Variants in CNGB1 observed in about 807,000 individuals in gnomAD.
CNGB1 encodes the protein cyclic nucleotide-gated channel beta-1.
CNGB1 carries 126 observed loss-of-function variants against 151.7 expected under a neutral mutation model. The ratio of observed to expected loss-of-function variants is 0.83; its 90% CI spans 0.72 to 0.96. The LOEUF (loss-of-function observed/expected upper bound fraction) is 0.96, where lower values mean the gene tolerates loss of function less well. CNGB1 is among the 40% of genes least tolerant of loss of function. The probability of loss-of-function intolerance (pLI) is 0.00; values close to 1 mark genes in which losing one functional copy is unlikely to be tolerated. For synonymous variants in CNGB1, 623 were observed against 635.1 expected, an observed-to-expected ratio of 0.98 and a Z score of 0.29; for missense variants, 1,698 against 1,627.0, an observed-to-expected ratio of 1.04 and a Z score of -0.75.
rs369639898 is a variant in CNGB1 at position 57,889,923 on chromosome 16, T to G, written c.3243-1849A>C. 8.0e-4 allele frequency among the ~76,000 whole-genome samples: 122 copies of G among 152,206 alleles called. 1 individual carries two copies. The highest frequency in any genetic ancestry group is 2.8e-3 in the African/African-American group (117 of 41,522). ...TTGTGCCTCTGACAGTTGGGGAAAT[T>G]GAGGCTCAGAGCAGGGGGAGTGACG... On this transcript the variant is annotated intron_variant, in intron 31 of 32. Coordinates refer to ENST00000251102, the MANE Select transcript of CNGB1 (RefSeq NM_001297.5).
intron 16 of CNGB1, among the ~76,000 whole-genome samples, chr16:57,933,396 G>T (rs1183927228): frequency 6.6e-6 from 1 of 152,162 alleles, no homozygotes; most frequent in Non-Finnish European, 1.5e-5. Context: ...CCTGACTCTG[G>T]ACCTCTGAGA....
intron 8 of CNGB1, 101 bp from the exon 9 acceptor site, chr16:57,960,631 G>C: frequency 6.8e-7 from 1 of 1,475,752 alleles, no homozygotes; most frequent in Non-Finnish European, 9.3e-7. Flanking sequence ...CGGGTGAGCC[G>C]GGGATGGGGG....
At position 57,964,128 on chromosome 16, in the gene CNGB1, A is replaced by G. The variant is rs1429797650; in HGVS notation, c.290+2T>C. On this transcript the variant is annotated splice_donor_variant, in intron 4 of 32. Coordinates refer to ENST00000251102, the MANE Select transcript of CNGB1 (RefSeq NM_001297.5). LOFTEE classifies it high-confidence loss of function. ...TGAAGAGAGGGGAGGGTGGTGCAGT[A>G]CCTATTCATTTCAGAAATCTCAGCG... 4 of 1,613,828 alleles carry G rather than the reference A, an allele frequency of 2.5e-6. No individual in the cohort carries two copies. In the Admixed American group the frequency reaches 6.7e-5, roughly 27 times the overall value.
chr16:57,905,648 C>T (rs995212185), intron 25 of CNGB1, among the ~76,000 whole-genome samples: 10 of 152,256 alleles, frequency 6.6e-5, no homozygotes, highest in African/African-American at 2.4e-4. Flanking sequence ...GGCCTTCGGG[C>T]GCCGTTTAGG....
chr16:57,920,617 C>T, intron 18 of CNGB1, 73 bp from the exon 19 acceptor site: 1 of 1,580,528 alleles, frequency 6.3e-7, no homozygotes, highest in Non-Finnish European at 8.6e-7. Flanking sequence ...CAGAGCTGTG[C>T]AGCGTCTGTG....
At chr16:57,893,862 T>C (rs1230883615) in intron 31 of CNGB1, among the ~76,000 whole-genome samples, 2 of 152,088 alleles carry the variant, frequency 1.3e-5, no homozygotes, top group African/African-American at 4.8e-5. Context: ...TTATTTTACA[T>C]AGGAGACAAC....
At chr16:57,906,327 C>T (rs1262561933) in intron 25 of CNGB1, among the ~76,000 whole-genome samples, 1 of 152,236 alleles carries the variant, frequency 6.6e-6, no homozygotes, top group Non-Finnish European at 1.5e-5. Context: ...GTGGTGGACT[C>T]TCAGCAAGGG....
chr16:57,890,412 C>CAGG (rs753404469), intron 31 of CNGB1, among the ~76,000 whole-genome samples: 5 of 152,220 alleles, frequency 3.3e-5, no homozygotes, highest in East Asian at 3.8e-4. Flanking sequence ...TGACAGCCCA[C>CAGG]AGGAAGGCTG....
chr16:57,911,633 A>G, intron 25 of CNGB1, 120 bp downstream of exon 25: 1 of 1,390,972 alleles, frequency 7.2e-7, no homozygotes, highest in South Asian at 1.2e-5. Context: ...ATTGCTTAGG[A>G]GCAAAGTGGC....
intron 32 of CNGB1, among the ~76,000 whole-genome samples, chr16:57,886,753 C>T (rs1053364198): frequency 1.1e-4 from 17 of 152,182 alleles, no homozygotes; most frequent in African/African-American, 4.1e-4. Flanking sequence ...AATCATTCCA[C>T]TTGGTATTCT....
At chr16:57,957,457 C>T (rs1374346647) in intron 11 of CNGB1, 80 bp from the exon 12 acceptor site, 5 of 1,300,984 alleles carry the variant, frequency 3.8e-6, no homozygotes, top group African/African-American at 2.8e-5. Context: ...CCTTCTAGCA[C>T]GTGACCTTGA....
chr16:57,932,474 T>C (rs1961381748), intron 16 of CNGB1, among the ~76,000 whole-genome samples: 1 of 149,032 alleles, frequency 6.7e-6, no homozygotes, highest in Non-Finnish European at 1.5e-5. Flanking sequence ...GCAATCTCAG[T>C]TCACCCCAAG....
Position 57,897,490 on chromosome 16 carries a change from C to T in CNGB1, c.3149G>A (p.Gly1050Glu). 1 of 1,614,030 alleles carries T rather than the reference C, an allele frequency of 6.2e-7. No homozygotes were observed. The change falls in exon 31 of 33, where the codon GGG (glycine) becomes GAG (glutamate). Residue 1050 changes from glycine to glutamate, a missense_variant. Coordinates refer to ENST00000251102, the MANE Select transcript of CNGB1 (RefSeq NM_001297.5). Reference protein sequence around the residue: ...NRRTANVVAHGFTNLFILDKK... With the variant: ...NRRTANVVAHEFTNLFILDKK... ...ATCCAGGATGAAGAGGTTGGTAAAC[C>T]CGTGCGCCACCACGTTGGCCGTGCG...
intron 20 of CNGB1, among the ~76,000 whole-genome samples, chr16:57,918,245 G>A (rs745659781): frequency 6.6e-6 from 1 of 152,050 alleles, no homozygotes; most frequent in Non-Finnish European, 1.5e-5. Flanking sequence ...ACAGTGCTGG[G>A]ATTACAGGTG....
intron 31 of CNGB1, among the ~76,000 whole-genome samples, chr16:57,889,052 G>A (rs1960015288): frequency 6.6e-6 from 1 of 152,182 alleles, no homozygotes; most frequent in South Asian, 2.1e-4. Context: ...TACGTGTCTT[G>A]CTTTTAAACA....
chr16:57,908,090 C>T (rs557505472), intron 25 of CNGB1, among the ~76,000 whole-genome samples: 2 of 152,306 alleles, frequency 1.3e-5, no homozygotes, highest in African/African-American at 4.8e-5. Context: ...GGGGTCTCCC[C>T]ATATTGCCTA....
chr16:57,923,865 C>G (rs772677665), intron 17 of CNGB1, among the ~76,000 whole-genome samples: 6 of 152,166 alleles, frequency 3.9e-5, no homozygotes, highest in Non-Finnish European at 8.8e-5. Context: ...ATCAGAGAAG[C>G]CATGGAATCC....
chr16:57,903,742 C>T (rs1026058946), intron 27 of CNGB1, 80 bp downstream of exon 27: 136 of 1,513,546 alleles, frequency 9.0e-5, no homozygotes, highest in Non-Finnish European at 9.9e-5. Context: ...ACGAGGGAGG[C>T]GCCCCGAAGG....
At chr16:57,923,404 G>C in intron 17 of CNGB1, 24 bp from the exon 18 acceptor site, 1 of 1,593,836 alleles carries the variant, frequency 6.3e-7, no homozygotes, top group Non-Finnish European at 8.6e-7. Context: ...GATGTGGAAG[G>C]GGCCTTCAGC....
Sources: allele counts gnomAD v4.1 joint callset (sites outside exome capture counted in the v4.1 genomes callset), GRCh38; gene constraint gnomAD v4.1.1; transcripts MANE v1.5; gene names NCBI Gene and HGNC (gene_info 2026-07-23, HGNC 2026-07-21).